The following ERBB4 variants were observed in gnomAD, a reference collection of about 807,000 sequenced individuals.
ERBB4 encodes receptor tyrosine-protein kinase erbB-4.
A neutral mutation model predicts 158.0 loss-of-function variants in ERBB4; 42 were observed. The observed-to-expected ratio is 0.27, with a 90% CI of 0.21 to 0.34. ERBB4 has a LOEUF of 0.34. ERBB4 is among the 10% of genes least tolerant of loss of function. The probability of loss-of-function intolerance (pLI) is 1.00; values close to 1 mark genes in which losing one functional copy is unlikely to be tolerated. For missense variants in ERBB4, 1,333 were observed against 1,624.1 expected, an observed-to-expected ratio of 0.82 and a Z score of 3.08; for synonymous variants, 583 against 558.7, an observed-to-expected ratio of 1.04 and a Z score of -0.61.
Position 212,221,219 on chromosome 2 carries a change from T to C in ERBB4, c.83-96316A>G, listed in dbSNP as rs930595175. 2.0e-5 allele frequency among the ~76,000 whole-genome samples: 3 copies of C among 151,666 alleles called. No homozygotes were observed. In the East Asian group the frequency reaches 5.8e-4, roughly 29 times the overall value. On this transcript the variant is annotated intron_variant, in intron 1 of 27. Coordinates refer to ENST00000342788, the MANE Select transcript of ERBB4 (RefSeq NM_005235.3). ...GGGGCCACAGATCTGTAATGCAATT[T>C]AGATGTCAGCTGCTAGAATCAATAT...
intron 20 of ERBB4, among the ~76,000 whole-genome samples, chr2:211,542,332 G>A (rs1407143922): frequency 6.6e-6 from 1 of 151,934 alleles, no homozygotes; most frequent in Non-Finnish European, 1.5e-5. Flanking sequence ...TCTTAGCTCT[G>A]GGCTCCCAGT....
intron 5 of ERBB4, among the ~76,000 whole-genome samples, chr2:211,742,872 T>G (rs2106187611): frequency 6.6e-6 from 1 of 152,064 alleles, no homozygotes; most frequent in Non-Finnish European, 1.5e-5. Flanking sequence ...TATTCTATTT[T>G]TAATTAAAAA....
intron 1 of ERBB4, among the ~76,000 whole-genome samples, chr2:212,347,633 A>G (rs1361578032): frequency 1.3e-5 from 2 of 152,152 alleles, no homozygotes; most frequent in African/African-American, 2.4e-5. Context: ...GAATATTTGC[A>G]GTATGCAGTA....
At chr2:211,819,712 T>A (rs2076953092) in intron 3 of ERBB4, among the ~76,000 whole-genome samples, 2 of 151,934 alleles carry the variant, frequency 1.3e-5, no homozygotes, top group South Asian at 4.1e-4. Context: ...TATGTTTTAA[T>A]TGTTAGGATA....
At chr2:211,618,593 A>G (rs1483987714) in intron 19 of ERBB4, among the ~76,000 whole-genome samples, 1 of 152,002 alleles carries the variant, frequency 6.6e-6, no homozygotes, top group East Asian at 1.9e-4. Context: ...TAACTTTCTA[A>G]CCTTGGGGTA....
chr2:211,777,631 C>T (rs2075916751), intron 4 of ERBB4: 1 of 152,136 alleles, frequency 6.6e-6, no homozygotes, highest in Non-Finnish European at 1.5e-5. Flanking sequence ...CAAGGATTTA[C>T]AAAAAATTAT....
At chr2:211,629,577 C>T (rs1330757067) in intron 17 of ERBB4, among the ~76,000 whole-genome samples, 1 of 152,132 alleles carries the variant, frequency 6.6e-6, no homozygotes, top group Non-Finnish European at 1.5e-5. Flanking sequence ...AAAAAAGAGC[C>T]CGCATTGCCA....
chr2:211,601,978 G>C (rs2068815708), intron 19 of ERBB4, among the ~76,000 whole-genome samples: 1 of 152,092 alleles, frequency 6.6e-6, no homozygotes, highest in Non-Finnish European at 1.5e-5. Context: ...ATAAATAAGT[G>C]AGTTCTTTTA....
chr2:211,904,270 G>A (rs370984491), intron 3 of ERBB4, among the ~76,000 whole-genome samples: 4 of 152,084 alleles, frequency 2.6e-5, no homozygotes, highest in Non-Finnish European at 5.9e-5. Context: ...GTAGAGAACC[G>A]AACACTGCAA....
Position 212,373,942 on chromosome 2 carries a change from T to TAAATATATCC in ERBB4, c.82+164506_82+164507insGGATATATTT, listed in dbSNP as rs1190028109. On this transcript the variant is annotated intron_variant, in intron 1 of 27. Coordinates refer to ENST00000342788, the MANE Select transcript of ERBB4 (RefSeq NM_005235.3). ...ATATATATATATCCATATATATCCATATATATATCATATATATATCCATAT... is the reference window on the plus strand; with the variant it reads ...ATATATATATATCCATATATATCCATAAATATATCCATATATATCATATATATATCCATAT... 4.2e-4 allele frequency among the ~76,000 whole-genome samples: 34 copies of TAAATATATCC among 81,190 alleles called. 3 individuals carry two copies. The highest frequency in any genetic ancestry group is 2.1e-3 in the African/African-American group (29 of 14,130). The allele number at this position is 81,190 out of a possible 152,430, so 53.3% of individuals were successfully genotyped here.
intron 6 of ERBB4, among the ~76,000 whole-genome samples, 186 bp from the exon 7 acceptor site, chr2:211,722,720 G>GA (rs1476216290): frequency 6.6e-6 from 1 of 152,144 alleles, no homozygotes; most frequent in Non-Finnish European, 1.5e-5. Flanking sequence ...CAGTAAATAG[G>GA]AAAATTTATG....
At chr2:212,115,233 T>A (rs950785521) in intron 2 of ERBB4, among the ~76,000 whole-genome samples, 1 of 152,116 alleles carries the variant, frequency 6.6e-6, no homozygotes, top group Non-Finnish European at 1.5e-5. Flanking sequence ...ACATTTTATT[T>A]TTACACTTTT....
chr2:211,843,622 A>C (rs2077524355), intron 3 of ERBB4, among the ~76,000 whole-genome samples: 1 of 152,024 alleles, frequency 6.6e-6, no homozygotes, highest in South Asian at 2.1e-4. Context: ...ATGTTTTTCT[A>C]GACATCCTTA....
chr2:212,189,284 T>G (rs577356849), intron 1 of ERBB4, among the ~76,000 whole-genome samples: 13 of 152,148 alleles, frequency 8.5e-5, no homozygotes, highest in Non-Finnish European at 1.8e-4. Context: ...TAGTGACTTA[T>G]TCACTGTTCC....
chr2:211,692,625 A>G (rs1038236464), intron 12 of ERBB4, among the ~76,000 whole-genome samples: 1 of 152,084 alleles, frequency 6.6e-6, no homozygotes, highest in Non-Finnish European at 1.5e-5. Flanking sequence ...ACATTGCTCC[A>G]ACCTTTGCTT....
At chr2:211,752,102 T>C (rs1197942172) in intron 4 of ERBB4, among the ~76,000 whole-genome samples, 1 of 152,150 alleles carries the variant, frequency 6.6e-6, no homozygotes, top group Non-Finnish European at 1.5e-5. Flanking sequence ...TCATTGTAGC[T>C]GACAGGAAAA....
chr2:211,891,772 C>T (rs879553447), intron 3 of ERBB4, among the ~76,000 whole-genome samples: 1,602 of 138,900 alleles, frequency 0.012, 192 homozygotes, highest in African/African-American at 0.044. Context: ...GAGAATACTA[C>T]AAACACCTCT....
chr2:211,785,437 T>G (rs6756725), intron 4 of ERBB4, among the ~76,000 whole-genome samples: 30,857 of 152,150 alleles, frequency 0.2, 3,650 homozygotes, highest in Non-Finnish European at 0.27. Flanking sequence ...GTCCCATTTG[T>G]CTATTTTAGC....
intron 3 of ERBB4, among the ~76,000 whole-genome samples, chr2:211,820,736 A>G (rs1300348980): frequency 1.3e-5 from 2 of 151,912 alleles, no homozygotes; most frequent in Non-Finnish European, 2.9e-5. Context: ...AAGATAATAC[A>G]TAATGATCAA....
Sources: gnomAD v4.1 joint callset for allele counts (sites outside exome capture counted in the v4.1 genomes callset) on GRCh38, gnomAD v4.1.1 for gene constraint, MANE v1.5 for transcripts, NCBI Gene and HGNC (gene_info 2026-07-23, HGNC 2026-07-21) for gene names.